The following TRPC6 variants were observed in gnomAD, a reference collection of about 807,000 sequenced individuals.
The protein encoded by TRPC6 is short transient receptor potential channel 6.
A neutral mutation model predicts 90.7 loss-of-function variants in TRPC6; 55 were observed. That is an observed-to-expected ratio of 0.61 (90% CI 0.49 to 0.76). TRPC6 has a LOEUF of 0.76. Among genes scored for constraint, TRPC6 ranks in the 30% least tolerant of loss-of-function variants. The pLI is 0.00. For synonymous variants in TRPC6, 393 were observed against 393.0 expected (o/e 1.00, Z 0.00); for missense variants, 989 against 1,122.7 (o/e 0.88, Z 1.70).
intron 1 of TRPC6, among the ~76,000 whole-genome samples, chr11:101,530,127 G>A (rs1357141726): frequency 1.3e-5 from 2 of 152,132 alleles, no homozygotes; most frequent in Non-Finnish European, 2.9e-5. Flanking sequence ...TGCCTGCCCA[G>A]AGACCTGCTG....
chr11:101,473,816 G>T (rs766219768), intron 6 of TRPC6, 43 bp from the exon 7 acceptor site: 1 of 1,611,718 alleles, frequency 6.2e-7, no homozygotes, highest in East Asian at 2.2e-5. Context: ...GTTTCTTCAA[G>T]TTTTTTATTT....
At chr11:101,525,556 G>T (rs1860759771) in intron 1 of TRPC6, among the ~76,000 whole-genome samples, 1 of 152,142 alleles carries the variant, frequency 6.6e-6, no homozygotes, top group Non-Finnish European at 1.5e-5. Context: ...CCAGGTAAAT[G>T]TTCAGTAAGA....
chr11:101,571,614 A>C (rs1157775938), intron 1 of TRPC6, among the ~76,000 whole-genome samples: 1 of 152,218 alleles, frequency 6.6e-6, no homozygotes, highest in Admixed American at 6.5e-5. Flanking sequence ...ACCTGACTTC[A>C]AACTATACTA....
chr11:101,531,814 T>A (rs994718467), intron 1 of TRPC6, among the ~76,000 whole-genome samples: 1 of 152,222 alleles, frequency 6.6e-6, no homozygotes, highest in African/African-American at 2.4e-5. Context: ...GAGTTCATTC[T>A]CTCTTCTCCC....
At chr11:101,503,196 C>G (rs1283536049) in intron 2 of TRPC6, among the ~76,000 whole-genome samples, 2 of 152,296 alleles carry the variant, frequency 1.3e-5, no homozygotes, top group East Asian at 3.9e-4. Flanking sequence ...TTCATCCTCT[C>G]CACGTGGAGC....
chr11:101,484,277 G>T (rs1859620515), intron 4 of TRPC6, among the ~76,000 whole-genome samples: 1 of 152,128 alleles, frequency 6.6e-6, no homozygotes, highest in South Asian at 2.1e-4. Context: ...AAGTGGTAGA[G>T]CTGGAACTTG....
intron 1 of TRPC6, among the ~76,000 whole-genome samples, chr11:101,524,884 AT>A (rs756898193): frequency 2.0e-5 from 3 of 152,330 alleles, no homozygotes; most frequent in East Asian, 3.9e-4. Context: ...TAAATAATAC[AT>A]TTTTCCTTGA....
intron 2 of TRPC6, among the ~76,000 whole-genome samples, chr11:101,496,808 A>T (rs1341374672): frequency 6.6e-6 from 1 of 152,200 alleles, no homozygotes; most frequent in African/African-American, 2.4e-5. Context: ...CTTGTCATAG[A>T]CCTACAGTCC....
chr11:101,466,178 CAG>C (rs1025860266), intron 10 of TRPC6, among the ~76,000 whole-genome samples: 1 of 152,144 alleles, frequency 6.6e-6, no homozygotes, highest in African/African-American at 2.4e-5. Flanking sequence ...CCAGGATACA[CAG>C]GGGTCAGGGA....
At chr11:101,514,222 T>C (rs1001301587) in intron 1 of TRPC6, among the ~76,000 whole-genome samples, 4 of 152,102 alleles carry the variant, frequency 2.6e-5, no homozygotes. Context: ...CAACATGTTC[T>C]AGGCACTGTG....
chr11:101,535,566 G>A (rs1403166327), intron 1 of TRPC6, among the ~76,000 whole-genome samples: 1 of 152,042 alleles, frequency 6.6e-6, no homozygotes, highest in Admixed American at 6.6e-5. Flanking sequence ...ACAGAAAACT[G>A]GGCTGACTAG....
chr11:101,470,123 A>G (rs952669849), intron 9 of TRPC6, among the ~76,000 whole-genome samples: 1 of 152,206 alleles, frequency 6.6e-6, no homozygotes, highest in Non-Finnish European at 1.5e-5. Context: ...TCTTCAATAC[A>G]TTCCCACTGT....
chr11:101,527,914 A>G (rs967293583), intron 1 of TRPC6, among the ~76,000 whole-genome samples: 5 of 152,036 alleles, frequency 3.3e-5, no homozygotes, highest in Non-Finnish European at 7.4e-5. Context: ...TCTACTAAAA[A>G]TTAAAAAAAT....
chr11:101,494,882 T>G (rs993374588), intron 2 of TRPC6, among the ~76,000 whole-genome samples: 2 of 152,198 alleles, frequency 1.3e-5, no homozygotes, highest in Non-Finnish European at 2.9e-5. Context: ...AAATACACAC[T>G]TTTTCTACTT....
chr11:101,453,180 G>A, intron 12 of TRPC6, 74 bp from the exon 13 acceptor site: 4 of 1,375,246 alleles, frequency 2.9e-6, no homozygotes, highest in Non-Finnish European at 4.1e-6. Context: ...TGGGACAGGA[G>A]GAAATCAGCT....
At chr11:101,463,746 A>G (rs967585754) in intron 10 of TRPC6, among the ~76,000 whole-genome samples, 1 of 152,072 alleles carries the variant, frequency 6.6e-6, no homozygotes. Context: ...TGATCCTTTC[A>G]AAAAACCAGC....
At chr11:101,463,895 G>A (rs1290208555) in intron 10 of TRPC6, among the ~76,000 whole-genome samples, 2 of 152,136 alleles carry the variant, frequency 1.3e-5, no homozygotes, top group African/African-American at 4.8e-5. Context: ...TAATTTTGAT[G>A]TTAGGGTGTC....
chr11:101,488,578 T>C (rs2136701142), intron 4 of TRPC6, among the ~76,000 whole-genome samples: 1 of 152,334 alleles, frequency 6.6e-6, no homozygotes, highest in East Asian at 1.9e-4. Flanking sequence ...TGCTCAATGG[T>C]ACTATGACCT....
intron 1 of TRPC6, among the ~76,000 whole-genome samples, chr11:101,570,272 G>A (rs1434305272): frequency 1.4e-4 from 21 of 152,184 alleles, no homozygotes; most frequent in Admixed American, 1.4e-3. Context: ...AGAAAATCTA[G>A]AATAAATGGA....
Sources: allele counts gnomAD v4.1 joint callset (sites outside exome capture counted in the v4.1 genomes callset), GRCh38; gene constraint gnomAD v4.1.1; transcripts MANE v1.5; gene names NCBI Gene and HGNC (gene_info 2026-07-23, HGNC 2026-07-21).